Variants in QKI observed in about 807,000 individuals in gnomAD.
QKI encodes KH domain-containing RNA-binding protein QKI.
Under a neutral mutation model 39.0 loss-of-function variants are expected in QKI, and 10 were observed. The ratio of observed to expected loss-of-function variants is 0.26; its 90% CI spans 0.16 to 0.43. The LOEUF is 0.43. Ranked by LOEUF, QKI falls within the 20% of genes least tolerant of loss-of-function variation. The pLI, the probability that QKI is intolerant of heterozygous loss-of-function variation, is 1.00. For missense variants in QKI, 218 were observed against 428.0 expected, an observed-to-expected ratio of 0.51 and a Z score of 4.33; for synonymous variants, 204 against 155.4, an observed-to-expected ratio of 1.31 and a Z score of -2.33.
At chr6:163,467,565 CAT>C (rs1480500015) in intron 2 of QKI, among the ~76,000 whole-genome samples, 4 of 152,298 alleles carry the variant, frequency 2.6e-5, no homozygotes, top group African/African-American at 7.2e-5. Flanking sequence ...TTGTACGTAA[CAT>C]GTGCCATGTG....
intron 4 of QKI, among the ~76,000 whole-genome samples, chr6:163,544,966 A>G (rs1048825949): frequency 6.6e-6 from 1 of 152,136 alleles, no homozygotes; most frequent in African/African-American, 2.4e-5. Context: ...TAGCTCTAAG[A>G]TAACTGTTGA....
At chr6:163,568,614 C>T in intron 7 of QKI, 1 of 977,226 alleles carries the variant, frequency 1.0e-6, no homozygotes, top group Non-Finnish European at 1.2e-6. Context: ...ACTGTTTTCT[C>T]TATTTTTGAG....
chr6:163,459,746 A>G (rs1345026225), intron 2 of QKI, among the ~76,000 whole-genome samples: 3 of 152,218 alleles, frequency 2.0e-5, no homozygotes, highest in African/African-American at 2.4e-5. Context: ...TACACATAAG[A>G]AAAATAATCC....
chr6:163,508,100 C>G (rs1220817660), intron 3 of QKI, among the ~76,000 whole-genome samples: 1 of 151,792 alleles, frequency 6.6e-6, no homozygotes, highest in Admixed American at 6.6e-5. Context: ...AGAAATGTTC[C>G]ATTGTAAAGA....
At chr6:163,478,987 TA>T (rs1414697700) in intron 3 of QKI, 91 bp downstream of exon 3, 6 of 1,122,366 alleles carry the variant, frequency 5.3e-6, no homozygotes, top group Non-Finnish European at 6.5e-6. Context: ...TTTTTGTGCT[TA>T]AAACACTATA....
At chr6:163,473,384 A>T (rs1233547081) in intron 2 of QKI, among the ~76,000 whole-genome samples, 2 of 152,178 alleles carry the variant, frequency 1.3e-5, no homozygotes, top group Non-Finnish European at 2.9e-5. Context: ...AGGAGGTGGG[A>T]GGAGATGCAG....
rs551775242 is a variant in QKI at position 163,572,849 on chromosome 6, C to T, written c.*2139C>T. On this transcript the variant is annotated 3_prime_UTR_variant, in exon 8 of 8. Coordinates refer to ENST00000361752, the MANE Select transcript of QKI (RefSeq NM_006775.3). ...GCAATAGACATTCATTGTTTTGTATCCAGCTAGCTTTGGTTTAATATGCCA... is the reference window on the plus strand; with the variant it reads ...GCAATAGACATTCATTGTTTTGTATTCAGCTAGCTTTGGTTTAATATGCCA... 1 of 152,172 alleles carries T rather than the reference C, an allele frequency of 6.6e-6. No homozygotes were observed. 9.4% of individuals were successfully genotyped at this position (152,172 alleles called of 1,614,324 possible). A position where few individuals can be genotyped will look rare whatever the true frequency, so the allele number is the denominator to read the frequency against.
chr6:163,425,875 T>A (rs1173195246), intron 1 of QKI, among the ~76,000 whole-genome samples: 1 of 152,220 alleles, frequency 6.6e-6, no homozygotes, highest in Non-Finnish European at 1.5e-5. Context: ...TGAATTAATT[T>A]GCCTTGAAGA....
chr6:163,435,650 A>G (rs1789205420), intron 1 of QKI, among the ~76,000 whole-genome samples: 1 of 152,160 alleles, frequency 6.6e-6, no homozygotes, highest in African/African-American at 2.4e-5. Context: ...AGTATTTAAA[A>G]TTTTGCTGGT....
At chr6:163,531,032 ATC>A (rs1780818036) in intron 3 of QKI, among the ~76,000 whole-genome samples, 1 of 149,170 alleles carries the variant, frequency 6.7e-6, no homozygotes, top group Admixed American at 6.6e-5. Flanking sequence ...ATTTTTTTTT[ATC>A]TCTGTCTTTT....
At chr6:163,494,958 C>A (rs1273275724) in intron 3 of QKI, among the ~76,000 whole-genome samples, 3 of 151,310 alleles carry the variant, frequency 2.0e-5, no homozygotes, top group Non-Finnish European at 4.4e-5. Context: ...CTCTGTCGTC[C>A]AGGCTGGAGT....
At chr6:163,433,167 AACTGAATGGCATAGGAT>A (rs769635123) in intron 1 of QKI, among the ~76,000 whole-genome samples, 59 of 152,246 alleles carry the variant, frequency 3.9e-4, no homozygotes, top group Non-Finnish European at 8.2e-4. Flanking sequence ...GGAACACATT[AACTGAATGGCATAGGAT>A]ATATCATAGT....
chr6:163,463,650 A>G (rs1791505193), intron 2 of QKI, among the ~76,000 whole-genome samples: 1 of 152,228 alleles, frequency 6.6e-6, no homozygotes, highest in African/African-American at 2.4e-5. Context: ...TTCAAAACAA[A>G]TTCACGTGAG....
At chr6:163,512,577 T>G (rs1293590397) in intron 3 of QKI, among the ~76,000 whole-genome samples, 1 of 152,010 alleles carries the variant, frequency 6.6e-6, no homozygotes, top group Non-Finnish European at 1.5e-5. Context: ...TCCTAATAAC[T>G]GATAAAGAGA....
intron 1 of QKI, among the ~76,000 whole-genome samples, chr6:163,422,347 C>A (rs1209993481): frequency 1.3e-5 from 2 of 152,032 alleles, no homozygotes; most frequent in African/African-American, 2.4e-5. Flanking sequence ...GGAAATGAAT[C>A]GATTGTAAGA....
chr6:163,489,756 T>TGAAA (rs1777935832), intron 3 of QKI, among the ~76,000 whole-genome samples: 2 of 152,166 alleles, frequency 1.3e-5, no homozygotes. Context: ...TAGGAATTAT[T>TGAAA]TCATTTTATT....
In QKI at chr6:163,515,047, A is replaced by C. The variant is rs1331995215; in HGVS notation, c.403-19935A>C. ...AAATTCATTCAAAAACAATTTTAAA[A>C]GATCACAAATTCAATTAAAAATGAA... On this transcript the variant is annotated intron_variant, in intron 3 of 7. Transcript: ENST00000361752. Among the ~76,000 whole-genome samples the C allele has an allele frequency of 4.6e-5, 7 of 152,338 alleles. No individual in the cohort carries two copies. The East Asian group carries it at 1.3e-3, about 29-fold the overall frequency.
chr6:163,463,974 G>A (rs1307697635), intron 2 of QKI, among the ~76,000 whole-genome samples: 1 of 151,994 alleles, frequency 6.6e-6, no homozygotes, highest in Admixed American at 6.6e-5. Context: ...CACCAAACAT[G>A]CTCAGCTCCC....
At chr6:163,568,805 T>C (rs1482410045) in intron 7 of QKI, 4 of 985,380 alleles carry the variant, frequency 4.1e-6, no homozygotes, top group Admixed American at 6.2e-5. Flanking sequence ...TTTATATATA[T>C]TTCAAAACTG....
Sources: allele counts gnomAD v4.1 joint callset (sites outside exome capture counted in the v4.1 genomes callset), GRCh38; gene constraint gnomAD v4.1.1; transcripts MANE v1.5; gene names NCBI Gene and HGNC (gene_info 2026-07-23, HGNC 2026-07-21).